Variants in TTC28 observed in about 807,000 individuals in gnomAD.
The protein encoded by TTC28 is tetratricopeptide repeat protein 28.
In TTC28, 61 loss-of-function variants were observed where a neutral mutation model predicts 198.0. The ratio of observed to expected loss-of-function variants is 0.31; its 90% CI spans 0.25 to 0.38. The LOEUF (loss-of-function observed/expected upper bound fraction) is 0.38, where lower values mean the gene tolerates loss of function less well. Among genes scored for constraint, TTC28 ranks in the 10% least tolerant of loss-of-function variants. TTC28 has a pLI of 1.00. For synonymous variants in TTC28, 1,171 were observed against 1,297.8 expected (o/e 0.90, Z 2.10); for missense variants, 2,678 against 3,164.0 (o/e 0.85, Z 3.69).
At position 28,322,769 on chromosome 22, in the gene TTC28, T is replaced by C. The variant is rs535157310; in HGVS notation, c.382-16126A>G. Among the ~76,000 whole-genome samples, 3 of 152,348 alleles carry C rather than the reference T, an allele frequency of 2.0e-5. No individual in the cohort carries two copies. In the East Asian group the frequency reaches 5.8e-4, roughly 29 times the overall value. On this transcript the variant is annotated intron_variant, in intron 2 of 22. Coordinates refer to ENST00000397906, the MANE Select transcript of TTC28 (RefSeq NM_001145418.2). ...ATTTATTCTCTCACAGTTCTGGAGC[T>C]GTTCAAATGCCCAGAATGAGTCTTA...
intron 2 of TTC28, among the ~76,000 whole-genome samples, chr22:28,579,089 CATATAGCTATATATATGT>C (rs2050192611): frequency 6.6e-6 from 1 of 151,172 alleles, no homozygotes; most frequent in Non-Finnish European, 1.5e-5. Flanking sequence ...TACATACATA[CATATAGCTATATATATGT>C]ATATAGCTAT....
At chr22:28,062,071 A>G (rs2146741008) in intron 12 of TTC28, among the ~76,000 whole-genome samples, 1 of 150,750 alleles carries the variant, frequency 6.6e-6, no homozygotes, top group East Asian at 1.9e-4. Context: ...TTTTTTTTTG[A>G]GAGTCTCCCT....
At chr22:28,646,379 C>T (rs1268287232) in intron 1 of TTC28, among the ~76,000 whole-genome samples, 1 of 152,096 alleles carries the variant, frequency 6.6e-6, no homozygotes, top group Non-Finnish European at 1.5e-5. Context: ...AGGAGAACTA[C>T]AAAACACTGC....
chr22:28,423,271 T>C (rs976983956), intron 2 of TTC28, among the ~76,000 whole-genome samples: 5 of 152,058 alleles, frequency 3.3e-5, no homozygotes, highest in Non-Finnish European at 7.4e-5. Context: ...GTGCCTGTAA[T>C]ACCAGCTGCT....
At chr22:28,492,904 AAG>A (rs1167090489) in intron 2 of TTC28, among the ~76,000 whole-genome samples, 1 of 152,140 alleles carries the variant, frequency 6.6e-6, no homozygotes, top group Non-Finnish European at 1.5e-5. Context: ...TCCAAAAAGT[AAG>A]ACAGTTTCCA....
intron 2 of TTC28, among the ~76,000 whole-genome samples, chr22:28,338,951 T>C (rs2045780391): frequency 6.6e-6 from 1 of 152,256 alleles, no homozygotes; most frequent in South Asian, 2.1e-4. Flanking sequence ...AGAGGCGCTC[T>C]GATTTTTAGA....
intron 2 of TTC28, among the ~76,000 whole-genome samples, chr22:28,543,760 A>G (rs1473680847): frequency 6.6e-6 from 1 of 152,242 alleles, no homozygotes; most frequent in African/African-American, 2.4e-5. Flanking sequence ...ATAATGTAGC[A>G]TTATACTGAC....
rs141931645 is a variant in TTC28, at chr22:28,360,884, CATT to C, written c.382-54244_382-54242del. Among the ~76,000 whole-genome samples the C allele has an allele frequency of 2.7e-3, 417 of 152,226 alleles. 4 individuals carry two copies. Among genetic ancestry groups the C allele is most frequent in the African/African-American group, 8.7e-3 (363 of 41,544 alleles). On this transcript the variant is annotated intron_variant, in intron 2 of 22. Transcript: ENST00000397906. ...TAATTCTCACAATTTCACACTTTTT[CATT>C]ATTATTATATCTGTTATGGTGAACT...
At chr22:28,059,260 A>G (rs1569112636) in intron 12 of TTC28, among the ~76,000 whole-genome samples, 1 of 151,906 alleles carries the variant, frequency 6.6e-6, no homozygotes, top group Non-Finnish European at 1.5e-5. Flanking sequence ...CCTTCTATCT[A>G]TGCTTTAACT....
At chr22:28,081,000 T>C (rs900379784) in intron 12 of TTC28, among the ~76,000 whole-genome samples, 44 of 152,224 alleles carry the variant, frequency 2.9e-4, no homozygotes, top group African/African-American at 1.1e-3. Context: ...GACATACACA[T>C]AAGGGTTTAT....
intron 2 of TTC28, among the ~76,000 whole-genome samples, chr22:28,371,895 A>T (rs134518): frequency 0.97 from 145,607 of 149,804 alleles, 70,767 homozygotes; most frequent in South Asian, 0.99. Context: ...AAAAAAAAAA[A>T]TTTTTTTAAT....
intron 2 of TTC28, among the ~76,000 whole-genome samples, chr22:28,468,371 C>T (rs1388932458): frequency 6.6e-6 from 1 of 152,148 alleles, no homozygotes; most frequent in Non-Finnish European, 1.5e-5. Flanking sequence ...ACAAAAGCTA[C>T]TTAAATCAAC....
chr22:28,495,324 G>C (rs2048439499), intron 2 of TTC28, among the ~76,000 whole-genome samples: 1 of 152,066 alleles, frequency 6.6e-6, no homozygotes, highest in African/African-American at 2.4e-5. Context: ...TAAGCTTCCA[G>C]AACTAAGAAG....
At position 28,456,469 on chromosome 22, in the gene TTC28, T is replaced by C. The variant is rs901903164; in HGVS notation, c.382-149826A>G. Among the ~76,000 whole-genome samples, 7 of 152,248 alleles carry C rather than the reference T, an allele frequency of 4.6e-5. No homozygotes were observed. In the East Asian group the frequency reaches 1.3e-3, roughly 29 times the overall value. ...AACTAAAATATACAAATATTATTCT[T>C]AATTATTATCCTTCTTCATTCAAAA... On this transcript the variant is annotated intron_variant, in intron 2 of 22. Coordinates refer to ENST00000397906, the MANE Select transcript of TTC28 (RefSeq NM_001145418.2).
At chr22:28,158,955 C>A (rs1454021550) in intron 6 of TTC28, among the ~76,000 whole-genome samples, 3 of 152,182 alleles carry the variant, frequency 2.0e-5, no homozygotes, top group East Asian at 1.9e-4. Context: ...GCAAAGGATA[C>A]CATCAACAAA....
chr22:28,433,638 A>T (rs1391965494), intron 2 of TTC28, among the ~76,000 whole-genome samples: 1 of 152,212 alleles, frequency 6.6e-6, no homozygotes, highest in Non-Finnish European at 1.5e-5. Flanking sequence ...TTAATATTTA[A>T]ATATGTATTA....
intron 2 of TTC28, among the ~76,000 whole-genome samples, chr22:28,453,791 T>C (rs2047819071): frequency 6.6e-6 from 1 of 152,192 alleles, no homozygotes; most frequent in African/African-American, 2.4e-5. Context: ...TGTGACCCAG[T>C]CTCTTAGTGT....
chr22:28,548,260 A>G (rs774607319), intron 2 of TTC28, among the ~76,000 whole-genome samples: 129 of 152,230 alleles, frequency 8.5e-4, no homozygotes, highest in Non-Finnish European at 2.4e-4. Context: ...CAGGCTGAGC[A>G]TGAACCCTTC....
intron 6 of TTC28, among the ~76,000 whole-genome samples, chr22:28,118,084 A>C (rs1942681454): frequency 6.6e-6 from 1 of 152,178 alleles, no homozygotes; most frequent in Non-Finnish European, 1.5e-5. Flanking sequence ...TGTATCCATA[A>C]AAATACAAAA....
Sources: gnomAD v4.1 joint callset for allele counts (sites outside exome capture counted in the v4.1 genomes callset) on GRCh38, gnomAD v4.1.1 for gene constraint, MANE v1.5 for transcripts, NCBI Gene and HGNC (gene_info 2026-07-23, HGNC 2026-07-21) for gene names.